IL17B: variants seen among roughly 807,000 people sequenced by gnomAD.
IL17B encodes the protein interleukin-17B.
Under a neutral mutation model 14.7 loss-of-function variants are expected in IL17B, and 14 were observed. That is an observed-to-expected ratio of 0.95 (90% confidence interval 0.63 to 1.49). IL17B has a LOEUF of 1.49. Ranked by LOEUF, IL17B falls within the 40% of genes most tolerant of loss-of-function variation. The pLI is 0.00. For missense variants in IL17B, 233 were observed against 252.8 expected, an observed-to-expected ratio of 0.92 and a Z score of 0.53; for synonymous variants, 105 against 94.8, an observed-to-expected ratio of 1.11 and a Z score of -0.62.
chr5:149,390,047 C>T (rs1184469876), intron 1 of IL17B, among the ~76,000 whole-genome samples: 1 of 152,146 alleles, frequency 6.6e-6, no homozygotes, highest in Non-Finnish European at 1.5e-5. Flanking sequence ...TCCCACTAAC[C>T]GAGTTGCTCC....
At chr5:149,380,373 T>A (rs1159958778), upstream of IL17B, among the ~76,000 whole-genome samples, 1 of 152,228 alleles carries the variant, frequency 6.6e-6, no homozygotes, top group Non-Finnish European at 1.5e-5. Flanking sequence ...AATAATTGTA[T>A]AATTATTATA....
chr5:149,395,054 C>T (rs554670584), intron 1 of IL17B, among the ~76,000 whole-genome samples: 38 of 152,210 alleles, frequency 2.5e-4, no homozygotes, highest in African/African-American at 8.7e-4. Flanking sequence ...TTAGTGTTCC[C>T]TTCTTTGTGT....
chr5:149,388,822 T>C (rs549916591), intron 1 of IL17B, among the ~76,000 whole-genome samples: 1 of 152,356 alleles, frequency 6.6e-6, no homozygotes, highest in African/African-American at 2.4e-5. Context: ...CAGAGGTCTG[T>C]AGACAACAGA....
intron 2 of IL17B, among the ~76,000 whole-genome samples, chr5:149,375,330 G>A (rs375175987): frequency 2.6e-5 from 4 of 152,138 alleles, no homozygotes; most frequent in African/African-American, 4.8e-5. Context: ...TCTGCACCTC[G>A]GTTTCCCCAT....
chr5:149,398,775 A>G (rs1222101168), intron 1 of IL17B, among the ~76,000 whole-genome samples: 2 of 152,180 alleles, frequency 1.3e-5, no homozygotes, highest in Non-Finnish European at 1.5e-5. Context: ...GCATGGTGGC[A>G]GGCACCTGTA....
chr5:149,390,792 G>T (rs1292686381), intron 1 of IL17B, among the ~76,000 whole-genome samples: 1 of 151,664 alleles, frequency 6.6e-6, no homozygotes, highest in Non-Finnish European at 1.5e-5. Flanking sequence ...TTTTATTTGT[G>T]TTAAAGGAAC....
In IL17B at chr5:149,374,879, G is replaced by T; in HGVS notation, c.312-279C>A. ...CAGATGCCCATCCCAGTACTAGGTT[G>T]CGCTGTGGGGATTGTGGAGTAGCCC... is the stretch of plus-strand genomic sequence containing the variant. On this transcript the variant is annotated intron_variant, in intron 2 of 2. Transcript: ENST00000261796. The surrounding 1 kb of genome is among the most constrained non-coding windows in gnomAD (Gnocchi z 5.0). 2.6e-6 allele frequency: 1 copy of T among 379,962 alleles called. No homozygotes were observed. The highest frequency in any genetic ancestry group is 4.1e-5 in the East Asian group (1 of 24,212). The allele number at this position is 379,962 out of a possible 1,614,324, so 23.5% of individuals were successfully genotyped here. A position where few individuals can be genotyped will look rare whatever the true frequency, so the allele number is the denominator to read the frequency against.
intron 1 of IL17B, among the ~76,000 whole-genome samples, chr5:149,384,690 G>T (rs1413168927): frequency 2.0e-5 from 3 of 152,138 alleles, no homozygotes; most frequent in Non-Finnish European, 4.4e-5. Context: ...TTATTTTGTT[G>T]TATGCATTGT....
intron 1 of IL17B, among the ~76,000 whole-genome samples, chr5:149,385,709 G>A (rs2127619826): frequency 6.6e-6 from 1 of 152,360 alleles, no homozygotes; most frequent in South Asian, 2.1e-4. Flanking sequence ...CAGGACGTCT[G>A]GATTCACAAG....
chr5:149,382,389 G>T (rs1758721952), upstream of IL17B, among the ~76,000 whole-genome samples: 1 of 152,190 alleles, frequency 6.6e-6, no homozygotes, highest in Admixed American at 6.5e-5. Flanking sequence ...CCTGCTGTGT[G>T]CCAGGCCTCA....
At chr5:149,403,968 A>G (rs1320626472) in intron 1 of IL17B, 3 of 152,198 alleles carry the variant, frequency 2.0e-5, no homozygotes, top group African/African-American at 7.2e-5. Flanking sequence ...TGAGTCCTCT[A>G]TTCTCCTGGA....
intron 1 of IL17B, among the ~76,000 whole-genome samples, chr5:149,402,688 T>C (rs1412736466): frequency 8.4e-6 from 1 of 118,428 alleles, no homozygotes; most frequent in South Asian, 2.4e-4. Flanking sequence ...TACCATGCTT[T>C]TAAAAAAAAA....
intron 1 of IL17B, among the ~76,000 whole-genome samples, chr5:149,395,791 G>A (rs779762257): frequency 2.6e-5 from 4 of 152,178 alleles, no homozygotes; most frequent in Non-Finnish European, 4.4e-5. Context: ...TCGTACCTCA[G>A]CCTCCTGAGT....
upstream of IL17B, among the ~76,000 whole-genome samples, chr5:149,380,350 G>C (rs889584173): frequency 6.6e-6 from 1 of 152,184 alleles, no homozygotes; most frequent in Non-Finnish European, 1.5e-5. Context: ...ATTTATTATA[G>C]AGATTATTAT....
upstream of IL17B, among the ~76,000 whole-genome samples, chr5:149,381,690 T>C (rs1345802452): frequency 8.5e-5 from 13 of 152,178 alleles, no homozygotes; most frequent in Non-Finnish European, 7.4e-5. Context: ...GCAACAGTCA[T>C]TGGGTTTCCC....
intron 1 of IL17B, among the ~76,000 whole-genome samples, chr5:149,392,931 TGTAC>T (rs1759006049): frequency 6.6e-6 from 1 of 151,802 alleles, no homozygotes; most frequent in East Asian, 1.9e-4. Context: ...TGCATGTGTG[TGTAC>T]GTGCGTGTGT....
Position 149,376,244 on chromosome 5 carries a change from G to A in IL17B, c.311+492C>T, listed in dbSNP as rs116688103. On this transcript the variant is annotated intron_variant, in intron 2 of 2. Coordinates refer to ENST00000261796, the MANE Select transcript of IL17B (RefSeq NM_014443.3). ...GCCTGCTGTGCGCCCTGATCACGTG[G>A]AGCTATAAGAAATAGCACTTCCTGG... Among the ~76,000 whole-genome samples the A allele has an allele frequency of 4.9e-3, 743 of 152,336 alleles. 5 individuals carry two copies. Among genetic ancestry groups the A allele is most frequent in the African/African-American group, 0.017 (703 of 41,568 alleles).
chr5:149,381,308 G>C (rs1359896485), upstream of IL17B, among the ~76,000 whole-genome samples: 1 of 152,184 alleles, frequency 6.6e-6, no homozygotes, highest in East Asian at 1.9e-4. Context: ...CCCCAGAGAT[G>C]CTGAAGTAGC....
chr5:149,393,866 GAA>G (rs928167171), intron 1 of IL17B, among the ~76,000 whole-genome samples: 1 of 152,112 alleles, frequency 6.6e-6, no homozygotes, highest in African/African-American at 2.4e-5. Flanking sequence ...ATTCTTCTCT[GAA>G]AAAGAGTGTT....
Sources: gnomAD v4.1 joint callset for allele counts (sites outside exome capture counted in the v4.1 genomes callset) on GRCh38, gnomAD v4.1.1 for gene constraint, Gnocchi (gnomAD v3.1) non-coding constraint, MANE v1.5 for transcripts, NCBI Gene and HGNC (gene_info 2026-07-23, HGNC 2026-07-21) for gene names.